Variants in PRKDC observed in about 807,000 individuals in gnomAD.
PRKDC encodes the protein protein kinase, DNA-activated, catalytic subunit, also known as DNA-dependent protein kinase catalytic subunit.
PRKDC carries 82 observed loss-of-function variants against 486.9 expected under a neutral mutation model. The ratio of observed to expected loss-of-function variants is 0.17; its 90% CI spans 0.14 to 0.20. The LOEUF (loss-of-function observed/expected upper bound fraction) is 0.20. PRKDC is among the 10% of genes least tolerant of loss of function. PRKDC has a pLI of 1.00. For synonymous variants in PRKDC, 1,895 were observed against 1,837.0 expected, an observed-to-expected ratio of 1.03 and a Z score of -0.81; for missense variants, 4,504 against 5,038.2, an observed-to-expected ratio of 0.89 and a Z score of 3.21.
At chr8:47,879,709 C>T (rs1025009545) in intron 38 of PRKDC, 51 bp from the exon 39 acceptor site, 33 of 1,387,420 alleles carry the variant, frequency 2.4e-5, no homozygotes, top group Non-Finnish European at 3.0e-5. Flanking sequence ...GCTTATATAT[C>T]CTACAGAATA....
chr8:47,811,747 T>C (rs1346922096), intron 68 of PRKDC, among the ~76,000 whole-genome samples: 1 of 152,114 alleles, frequency 6.6e-6, no homozygotes, highest in Admixed American at 6.6e-5. Context: ...AAGGCTGAGG[T>C]GGGTGGATCA....
rs550676137 is a variant in PRKDC, at chr8:47,888,525, G to A, written c.4406C>T (p.Pro1469Leu). 1.6e-5 allele frequency: 24 copies of A among 1,547,450 alleles called. No homozygotes were observed. Among genetic ancestry groups the A allele is most frequent in the East Asian group, 1.2e-4 (5 of 41,738 alleles). Residue 1469 changes from proline (P) to leucine (L), a missense_variant, in exon 34 of 86, where the codon CCG (proline) becomes CTG (leucine). By Grantham distance (98) the Pro-to-Leu change is moderately conservative. This residue lies in a region of PRKDC where 1,969 missense variants were observed against 2,068.9 expected (regional missense o/e 0.95). Transcript: ENST00000314191. ...ACAATAAGTTATAGTTACCTGAGAC[G>A]GTAATATATTATGCAGAAGCCCAGC... ...HRAGLLHNIL[P>L]SQSTDLHHSV...
chr8:47,890,425 A>G lies in PRKDC; in HGVS notation c.3903T>C (p.Ile1301=). Residue 1301 remains isoleucine, a synonymous_variant, in exon 32 of 86, where the codon ATT becomes ATC. Transcript: ENST00000314191. ...CTGCTGCTATAATGTCATGCATGGCAATGCTTTCTAAGAAGAAAGCCACTG... is the reference window on the plus strand; with the variant it reads ...CTGCTGCTATAATGTCATGCATGGCGATGCTTTCTAAGAAGAAAGCCACTG... The part of the protein sequence containing the change: ...LKAVAFFLES[I]AMHDIIAAEK... 1 of 1,592,792 alleles carries G rather than the reference A, an allele frequency of 6.3e-7. No homozygotes were observed. The highest frequency in any genetic ancestry group is 8.6e-7 in the Non-Finnish European group (1 of 1,168,510).
intron 21 of PRKDC, among the ~76,000 whole-genome samples, chr8:47,921,171 C>T (rs1012174610): frequency 3.3e-5 from 5 of 151,766 alleles, no homozygotes; most frequent in Non-Finnish European, 7.4e-5. Flanking sequence ...AGGAGAATGG[C>T]GTGAACCCAG....
intron 20 of PRKDC, 111 bp downstream of exon 20, chr8:47,927,660 G>T (rs557207522): frequency 2.7e-5 from 36 of 1,319,590 alleles, no homozygotes; most frequent in Non-Finnish European, 3.3e-5. Flanking sequence ...ACCCGGGCAC[G>T]CCTGTGAGGA....
chr8:47,776,695 T>C (rs1299487986), intron 85 of PRKDC, 149 bp downstream of exon 85: 5 of 1,106,226 alleles, frequency 4.5e-6, no homozygotes, highest in Non-Finnish European at 6.4e-6. Context: ...GAAGTCAGCC[T>C]CTCTAAGCCC....
At chr8:47,896,143 T>C (rs1015291577) in intron 30 of PRKDC, among the ~76,000 whole-genome samples, 5 of 152,062 alleles carry the variant, frequency 3.3e-5, no homozygotes, top group Admixed American at 2.6e-4. Flanking sequence ...ATAGTAAATT[T>C]ATACTTCATT....
At chr8:47,853,961 C>A in intron 51 of PRKDC, 122 bp downstream of exon 51, 1 of 1,313,686 alleles carries the variant, frequency 7.6e-7, no homozygotes, top group Non-Finnish European at 1.1e-6. Flanking sequence ...GCCACCGTGC[C>A]TGGCCCAGAA....
chr8:47,811,369 CAA>C (rs1421621210), intron 68 of PRKDC, among the ~76,000 whole-genome samples: 1 of 152,118 alleles, frequency 6.6e-6, no homozygotes, highest in Admixed American at 6.5e-5. Flanking sequence ...AAAAAACTAA[CAA>C]GAGTTCATCA....
chr8:47,873,984 A>ATTT (rs1200890690), intron 40 of PRKDC, among the ~76,000 whole-genome samples: 6 of 130,130 alleles, frequency 4.6e-5, no homozygotes, highest in Non-Finnish European at 6.6e-5. Context: ...GTATTTTGCT[A>ATTT]TTTTTTTTTT....
chr8:47,862,678 C>T, intron 42 of PRKDC, 137 bp from the exon 43 acceptor site: 1 of 731,944 alleles, frequency 1.4e-6, no homozygotes, highest in Non-Finnish European at 2.1e-6. Context: ...GAGTATTAGG[C>T]ACTGGGAATA....
intron 36 of PRKDC, among the ~76,000 whole-genome samples, chr8:47,882,869 T>G (rs1446411228): frequency 6.6e-6 from 1 of 152,254 alleles, no homozygotes; most frequent in Non-Finnish European, 1.5e-5. Flanking sequence ...TTTCAATGTG[T>G]CTGTCATTAA....
At chr8:47,830,008 C>T (rs1018555743) in intron 61 of PRKDC, among the ~76,000 whole-genome samples, 1 of 152,164 alleles carries the variant, frequency 6.6e-6, no homozygotes, top group Non-Finnish European at 1.5e-5. Flanking sequence ...AGAAGCACCG[C>T]ACTACCCAAC....
rs1378042810 is a variant in PRKDC, at chr8:47,782,075, C to T, written c.11489+87G>A. ...CTGCGGGGCAGGCAGTGTGGGCTCT[C>T]GAGCGCGCCTGTCACGGCCCCGACC... is the stretch of plus-strand genomic sequence containing the variant. On this transcript the variant is annotated intron_variant, in intron 80 of 85. Transcript: ENST00000314191. This position sits in a 1 kb window ranked among gnomAD's most constrained non-coding sequence, Gnocchi z 4.9. 24 of 1,207,964 alleles carry T rather than the reference C, an allele frequency of 2.0e-5. No homozygotes were observed. Among genetic ancestry groups the T allele is most frequent in the South Asian group, 5.3e-5 (4 of 76,184 alleles). The allele number at this position is 1,207,964 out of a possible 1,614,324, so 74.8% of individuals were successfully genotyped here. A position where few individuals can be genotyped will look rare whatever the true frequency, so the allele number is the denominator to read the frequency against.
At position 47,794,444 on chromosome 8, in the gene PRKDC, G is replaced by C; in HGVS notation, c.10516C>G (p.Leu3506Val). ...ACAGCAACGGCTTGGTCTTTGTCCA[G>C]TAAGGCCACCATGTGGCTGATCCAG... ...ISWISHMVAL[L>V]DKDQAVAVQH... The change falls in exon 74 of 86, where the codon CTG becomes GTG. Residue 3506 changes from leucine (L) to valine (V), a missense_variant. By Grantham distance (32) the Leu-to-Val change is conservative (BLOSUM62 1). This residue lies in a region of PRKDC where 706 missense variants were observed against 945.0 expected (regional missense o/e 0.75). Transcript: ENST00000314191. 6.2e-7 allele frequency: 1 copy of C among 1,613,786 alleles called. No homozygotes were observed. The highest frequency in any genetic ancestry group is 8.5e-7 in the Non-Finnish European group (1 of 1,179,676).
intron 31 of PRKDC, among the ~76,000 whole-genome samples, chr8:47,890,932 A>C (rs2089442987): frequency 6.6e-6 from 1 of 152,218 alleles, no homozygotes; most frequent in African/African-American, 2.4e-5. Flanking sequence ...TTAATAATGA[A>C]AAAATAAAAA....
chr8:47,806,163 T>G (rs1442890520), intron 69 of PRKDC, among the ~76,000 whole-genome samples: 1 of 152,220 alleles, frequency 6.6e-6, no homozygotes, highest in Non-Finnish European at 1.5e-5. Context: ...CAGGCTTTGC[T>G]GACATCTCTC....
chr8:47,850,951 G>C (rs1259118498), intron 52 of PRKDC, among the ~76,000 whole-genome samples: 2 of 152,094 alleles, frequency 1.3e-5, no homozygotes, highest in African/African-American at 2.4e-5. Flanking sequence ...CTGGGATTAT[G>C]GGAGTGTGCC....
intron 77 of PRKDC, among the ~76,000 whole-genome samples, chr8:47,784,567 G>C (rs779387014): frequency 2.3e-4 from 35 of 152,168 alleles, no homozygotes; most frequent in Middle Eastern, 3.2e-3. Flanking sequence ...GCAAATTCGG[G>C]GTGAGGAAAA....
Sources: allele counts gnomAD v4.1 joint callset (sites outside exome capture counted in the v4.1 genomes callset), GRCh38; gene constraint gnomAD v4.1.1; regional missense constraint gnomAD v4.1.1; non-coding constraint Gnocchi (gnomAD v3.1); transcripts MANE v1.5; gene names NCBI Gene and HGNC (gene_info 2026-07-23, HGNC 2026-07-21).